Variants in PTRH1 observed in about 807,000 individuals in gnomAD.
PTRH1 encodes peptidyl-tRNA hydrolase.
PTRH1 carries 13 observed loss-of-function variants against 15.7 expected under a neutral mutation model. That is an observed-to-expected ratio of 0.83 (90% CI 0.54 to 1.31). PTRH1 has a LOEUF of 1.31. PTRH1 is among the 40% of genes most tolerant of loss of function. PTRH1 has a pLI of 0.00. For synonymous variants in PTRH1, 139 were observed against 136.7 expected (o/e 1.02, Z -0.12); for missense variants, 319 against 296.2 (o/e 1.08, Z -0.56).
chr9:127,707,322 C>T, intron 1 of PTRH1: 1 of 935,114 alleles, frequency 1.1e-6, no homozygotes, highest in Non-Finnish European at 1.6e-6. Flanking sequence ...CAGACCCCAT[C>T]CCGACCCCAG....
At chr9:127,702,360 A>G (rs992915510) in intron 1 of PTRH1, among the ~76,000 whole-genome samples, 2 of 149,974 alleles carry the variant, frequency 1.3e-5, no homozygotes, top group Non-Finnish European at 3.0e-5. Flanking sequence ...GTGACAGAGC[A>G]AGATTCCGTC....
chr9:127,714,960 G>T lies in PTRH1; in HGVS notation c.316+15C>A. The T allele has an allele frequency of 1.1e-5, 2 of 179,904 alleles. No individual in the cohort carries two copies. The highest frequency in any genetic ancestry group is 1.9e-5 in the Non-Finnish European group (2 of 105,120). 11.1% of individuals were successfully genotyped at this position (179,904 alleles called of 1,614,324 possible). A position where few individuals can be genotyped will look rare whatever the true frequency, so the allele number is the denominator to read the frequency against. Reference sequence around the variant, plus strand: ...CCCTTGGCCCGCCCGCCCACCCCTGGCGCTCTCAACTCACCAGCCCGGGCC... The same window carrying T: ...CCCTTGGCCCGCCCGCCCACCCCTGTCGCTCTCAACTCACCAGCCCGGGCC... On this transcript the variant is annotated intron_variant, in intron 2 of 4. Coordinates refer to ENST00000543175, the MANE Select transcript of PTRH1 (RefSeq NM_001002913.3).
intron 4 of PTRH1, 30 bp from the exon 5 acceptor site, chr9:127,714,312 CT>C (rs1842853565): frequency 6.2e-7 from 1 of 1,613,950 alleles, no homozygotes; most frequent in African/African-American, 1.3e-5. Context: ...GCCCAGGAAG[CT>C]TTGGCGAGGT....
rs1425483803 is a variant in PTRH1 at position 127,705,967 on chromosome 9, G to A, written c.205+9468C>T. ...ACCACCACAGGCGAGGTCCAGGGCT[G>A]TCGGAAATTCCAGGCAGGCCTGCCT... is the stretch of plus-strand genomic sequence containing the variant. On this transcript the variant is annotated intron_variant, in intron 1 of 2. Transcript: ENST00000335223. The surrounding 1 kb of genome is among the most constrained non-coding windows in gnomAD (Gnocchi z 4.7). 6.6e-6 allele frequency among the ~76,000 whole-genome samples: 1 copy of A among 152,234 alleles called. No homozygotes were observed. Among genetic ancestry groups the A allele is most frequent in the East Asian group, 1.9e-4 (1 of 5,204 alleles).
chr9:127,695,808 A>G (rs929832408), intron 1 of PTRH1: 4 of 152,216 alleles, frequency 2.6e-5, no homozygotes, highest in Admixed American at 1.3e-4. Context: ...AAACCACGGC[A>G]CTTCAAAACC....
chr9:127,711,764 T>TGA, downstream of PTRH1: 1 of 1,530,682 alleles, frequency 6.5e-7, no homozygotes, highest in Non-Finnish European at 8.8e-7. Context: ...CCTGGCTGTG[T>TGA]CTGCAGCTGG....
In PTRH1 at chr9:127,715,051, C is replaced by T. The variant is rs1014107782; in HGVS notation, c.240G>A (p.Pro80=). 1.3e-6 allele frequency: 2 copies of T among 1,525,820 alleles called. No individual in the cohort carries two copies. Among genetic ancestry groups the T allele is most frequent in the Non-Finnish European group, 1.8e-6 (2 of 1,142,664 alleles). The allele number at this position is 1,525,820 out of a possible 1,614,324, so 94.5% of individuals were successfully genotyped here. A position where few individuals can be genotyped will look rare whatever the true frequency, so the allele number is the denominator to read the frequency against. Residue 80 remains proline, a synonymous_variant, in exon 2 of 5, where the codon CCG becomes CCA. Transcript: ENST00000543175. This position sits in a 1 kb window ranked among gnomAD's most constrained non-coding sequence, Gnocchi z 5.8. ...RHCAADLALA[P]LGDAQLVLLR... is the part of the protein sequence containing the mutation. ...GCAGGACCAGTTGGGCATCCCCCAG[C>T]GGGGCCAGGGCGAGGTCGGCGGCAC...
chr9:127,714,792 C>T, intron 2 of PTRH1, 90 bp from the exon 3 acceptor site: 1 of 1,188,856 alleles, frequency 8.4e-7, no homozygotes, highest in Non-Finnish European at 1.2e-6. Flanking sequence ...CACAACTAAT[C>T]CCACTTCACA....
At position 127,715,495 on chromosome 9, in the gene PTRH1, C is replaced by G; in HGVS notation, c.96+49G>C. 1 of 1,612,248 alleles carries G rather than the reference C, an allele frequency of 6.2e-7. No individual in the cohort carries two copies. The highest frequency in any genetic ancestry group is 1.1e-5 in the South Asian group (1 of 90,992). ...CGGCTCCCGGGACATAATGGCCGAACTGAAGCTAGGGACCGGGAGCCCCTA... is the reference window on the plus strand; with the variant it reads ...CGGCTCCCGGGACATAATGGCCGAAGTGAAGCTAGGGACCGGGAGCCCCTA... On this transcript the variant is annotated intron_variant, in intron 1 of 4. Coordinates refer to ENST00000543175, the MANE Select transcript of PTRH1 (RefSeq NM_001002913.3). The surrounding 1 kb of genome is among the most constrained non-coding windows in gnomAD (Gnocchi z 5.8).
intron 1 of PTRH1, among the ~76,000 whole-genome samples, chr9:127,698,779 G>T (rs1250908931): frequency 6.6e-6 from 1 of 152,198 alleles, no homozygotes; most frequent in Non-Finnish European, 1.5e-5. Flanking sequence ...GTAATGGTAT[G>T]GGGAATCCAC....
chr9:127,709,622 C>T (rs1218828415), downstream of PTRH1: 18 of 1,613,744 alleles, frequency 1.1e-5, no homozygotes, highest in Admixed American at 6.7e-5. This position sits in a 1 kb window ranked among gnomAD's most constrained non-coding sequence, Gnocchi z 4.7. Context: ...GCCTTCGAGG[C>T]GCAGCTGGCC....
chr9:127,695,509 G>C (rs1842551875), intron 1 of PTRH1: 3 of 201,832 alleles, frequency 1.5e-5, no homozygotes, highest in African/African-American at 7.0e-5. Context: ...GAATGCGGAG[G>C]GCAGCCACTC....
Position 127,713,980 on chromosome 9 carries a change from C to G in PTRH1, c.*120G>C. ...CACCCCCACTTTAATCCGCAGGCAG[C>G]CTGGAACAGTCTAGAGGAGATTTGT... is the stretch of plus-strand genomic sequence containing the variant. On this transcript the variant is annotated 3_prime_UTR_variant, in exon 5 of 5. Coordinates refer to ENST00000543175, the MANE Select transcript of PTRH1 (RefSeq NM_001002913.3). 6.3e-7 allele frequency: 1 copy of G among 1,577,166 alleles called. No homozygotes were observed. Among genetic ancestry groups the G allele is most frequent in the Non-Finnish European group, 8.7e-7 (1 of 1,147,062 alleles).
intron 1 of PTRH1, among the ~76,000 whole-genome samples, chr9:127,699,198 T>C (rs1842585178): frequency 6.6e-6 from 1 of 152,164 alleles, no homozygotes; most frequent in African/African-American, 2.4e-5. Flanking sequence ...GGACAACTTC[T>C]TGGTGTTTCA....
intron 1 of PTRH1, among the ~76,000 whole-genome samples, chr9:127,698,948 T>C (rs1842583305): frequency 6.7e-6 from 1 of 149,198 alleles, no homozygotes; most frequent in South Asian, 2.1e-4. Flanking sequence ...TCGCCCAGGC[T>C]GGAGTGCAGC....
chr9:127,695,215 T>G, intron 1 of PTRH1: 1 of 631,244 alleles, frequency 1.6e-6, no homozygotes, highest in Middle Eastern at 4.0e-4. Context: ...ACAGATAAAC[T>G]GTGTATTCAC....
chr9:127,713,642 G>A, downstream of PTRH1: 2 of 488,182 alleles, frequency 4.1e-6, no homozygotes, highest in Non-Finnish European at 7.5e-6. Context: ...AAGTAGCAGG[G>A]ATTACAGGCA....
chr9:127,697,935 G>T (rs1410744261), intron 1 of PTRH1, among the ~76,000 whole-genome samples: 1 of 152,144 alleles, frequency 6.6e-6, no homozygotes, highest in African/African-American at 2.4e-5. Context: ...GAAAAAATAG[G>T]TAAACTGTTC....
downstream of PTRH1, among the ~76,000 whole-genome samples, chr9:127,709,204 C>CAT (rs1842708913): frequency 6.6e-6 from 1 of 152,210 alleles, no homozygotes; most frequent in Non-Finnish European, 1.5e-5. The surrounding 1 kb of genome is among the most constrained non-coding windows in gnomAD (Gnocchi z 4.7). Flanking sequence ...AGTTTACATT[C>CAT]TAGTGATGTA....
Sources: gnomAD v4.1 joint callset for allele counts (sites outside exome capture counted in the v4.1 genomes callset) on GRCh38, gnomAD v4.1.1 for gene constraint, Gnocchi (gnomAD v3.1) non-coding constraint, MANE v1.5 for transcripts, NCBI Gene and HGNC (gene_info 2026-07-23, HGNC 2026-07-21) for gene names.